The following HECW2 variants were observed in gnomAD, a reference collection of about 807,000 sequenced individuals.
The protein encoded by HECW2 is E3 ubiquitin-protein ligase HECW2.
In HECW2, 61 loss-of-function variants were observed where a neutral mutation model predicts 175.2. That is an observed-to-expected ratio of 0.35 (90% CI 0.28 to 0.43). The LOEUF is 0.43. Ranked by LOEUF, HECW2 falls within the 20% of genes least tolerant of loss-of-function variation. HECW2 has a pLI of 1.00. For synonymous variants in HECW2, 671 were observed against 731.0 expected, an observed-to-expected ratio of 0.92 and a Z score of 1.32; for missense variants, 1,524 against 2,000.5, an observed-to-expected ratio of 0.76 and a Z score of 4.54.
At chr2:196,422,019 C>G (rs1191224985) in intron 2 of HECW2, among the ~76,000 whole-genome samples, 1 of 152,104 alleles carries the variant, frequency 6.6e-6, no homozygotes, top group Non-Finnish European at 1.5e-5. Context: ...CAAGGTGATC[C>G]TGTGAATTCA....
intron 28 of HECW2, among the ~76,000 whole-genome samples, chr2:196,213,218 A>G (rs572153962): frequency 3.9e-5 from 6 of 152,324 alleles, no homozygotes; most frequent in African/African-American, 1.4e-4. Context: ...CTCCGAATGT[A>G]CTTTTATTCT....
intron 1 of HECW2, among the ~76,000 whole-genome samples, chr2:196,453,603 A>T (rs1575558376): frequency 6.6e-6 from 1 of 152,366 alleles, no homozygotes; most frequent in East Asian, 1.9e-4. Flanking sequence ...TTTTAAATGC[A>T]GCTTAAAATA....
Position 196,509,218 on chromosome 2 carries a change from G to A in HECW2, c.-35-75760C>T, listed in dbSNP as rs539222641. Among the ~76,000 whole-genome samples, 7 of 152,162 alleles carry A rather than the reference G, an allele frequency of 4.6e-5. No individual in the cohort carries two copies. In the East Asian group the frequency reaches 1.4e-3, roughly 29 times the overall value. On this transcript the variant is annotated intron_variant, in intron 1 of 28. Coordinates refer to ENST00000644978, the MANE Select transcript of HECW2 (RefSeq NM_001348768.2). ...GATACATAGGGTGAGTTGTGGAAGG[G>A]GTCCCAAGTGCTGACACTTCTGTAC...
At chr2:196,229,326 C>CT in intron 21 of HECW2, among the ~76,000 whole-genome samples, 1 of 150,832 alleles carries the variant, frequency 6.6e-6, no homozygotes, top group Admixed American at 6.6e-5. Flanking sequence ...AAAAAAAAAT[C>CT]TGAGTCTTGT....
intron 2 of HECW2, among the ~76,000 whole-genome samples, chr2:196,401,770 T>C (rs1170236242): frequency 1.3e-5 from 2 of 152,152 alleles, no homozygotes; most frequent in African/African-American, 2.4e-5. Context: ...GAGAAAAAAT[T>C]TTTACTAATG....
intron 21 of HECW2, among the ~76,000 whole-genome samples, chr2:196,229,721 A>AC (rs1359652670): frequency 6.6e-6 from 1 of 152,216 alleles, no homozygotes; most frequent in African/African-American, 2.4e-5. Flanking sequence ...AAAATGGTTT[A>AC]CACAGAACAG....
At chr2:196,368,128 A>G (rs925138947) in intron 2 of HECW2, among the ~76,000 whole-genome samples, 1 of 152,128 alleles carries the variant, frequency 6.6e-6, no homozygotes, top group Non-Finnish European at 1.5e-5. Context: ...TTTCTTTTAC[A>G]TATATACCTA....
At chr2:196,438,423 CTT>C (rs1277042168) in intron 1 of HECW2, among the ~76,000 whole-genome samples, 1 of 152,050 alleles carries the variant, frequency 6.6e-6, no homozygotes, top group Non-Finnish European at 1.5e-5. Context: ...TTTTTTCTTT[CTT>C]TTTTTAAATA....
At position 196,290,037 on chromosome 2, in the gene HECW2, G is replaced by A. The variant is rs1454042789; in HGVS notation, c.3000+2528C>T. On this transcript the variant is annotated intron_variant, in intron 14 of 28. Transcript: ENST00000644978. Reference sequence around the variant, plus strand: ...ATCAGGCTAAAGTGATAAGCTTTTGGGTCTGCCTGTTAATCTGTCTTGTCC... The same window carrying A: ...ATCAGGCTAAAGTGATAAGCTTTTGAGTCTGCCTGTTAATCTGTCTTGTCC... The A allele has an allele frequency of 3.9e-5, 6 of 152,192 alleles. No individual in the cohort carries two copies. In the East Asian group the frequency reaches 9.7e-4, roughly 25 times the overall value. 9.4% of individuals were successfully genotyped at this position (152,192 alleles called of 1,614,324 possible).
At chr2:196,494,827 T>C (rs1687333496) in intron 1 of HECW2, among the ~76,000 whole-genome samples, 2 of 152,184 alleles carry the variant, frequency 1.3e-5, no homozygotes, top group South Asian at 4.1e-4. Context: ...CCACTGAGCA[T>C]TTGATGAGGC....
chr2:196,383,530 A>G (rs1187009285), intron 2 of HECW2, among the ~76,000 whole-genome samples: 2 of 152,214 alleles, frequency 1.3e-5, no homozygotes, highest in African/African-American at 2.4e-5. Flanking sequence ...AACTTCAGGC[A>G]GGTAACTAGA....
At chr2:196,534,270 G>A (rs960289337) in intron 1 of HECW2, among the ~76,000 whole-genome samples, 3 of 143,106 alleles carry the variant, frequency 2.1e-5, no homozygotes, top group Admixed American at 6.8e-5. Flanking sequence ...CAGGGCCTCC[G>A]TTTTTGTGCA....
intron 19 of HECW2, among the ~76,000 whole-genome samples, chr2:196,244,479 G>GGGCAGCTGCAGCTACTCTGTA (rs1426590739): frequency 1.3e-5 from 2 of 152,114 alleles, no homozygotes; most frequent in East Asian, 3.8e-4. Flanking sequence ...GGGATCCAGC[G>GGGCAGCTGCAGCTACTCTGTA]GGCAGCTGCA....
chr2:196,201,483 A>G (rs947743428), intron 28 of HECW2, 95 bp from the exon 29 acceptor site: 2 of 646,906 alleles, frequency 3.1e-6, no homozygotes, highest in African/African-American at 1.8e-5. Context: ...TGTGTGTATG[A>G]CTGTCTTTCA....
chr2:196,591,187 TA>T (rs1317685450), intron 1 of HECW2, among the ~76,000 whole-genome samples: 1 of 152,186 alleles, frequency 6.6e-6, no homozygotes, highest in African/African-American at 2.4e-5. Flanking sequence ...AATACCGTGA[TA>T]GAGGCGATGG....
intron 1 of HECW2, among the ~76,000 whole-genome samples, chr2:196,481,162 A>G (rs1686831424): frequency 6.6e-6 from 1 of 152,210 alleles, no homozygotes; most frequent in African/African-American, 2.4e-5. Flanking sequence ...CTAGTGGCAT[A>G]TGGTAAAGCA....
intron 1 of HECW2, among the ~76,000 whole-genome samples, chr2:196,477,268 A>G (rs1372375428): frequency 6.6e-6 from 1 of 152,232 alleles, no homozygotes; most frequent in Admixed American, 6.5e-5. Flanking sequence ...GTTGTAATGA[A>G]TATTTTTCCA....
At chr2:196,295,369 G>A (rs577937184) in intron 13 of HECW2, among the ~76,000 whole-genome samples, 2 of 152,146 alleles carry the variant, frequency 1.3e-5, no homozygotes, top group African/African-American at 4.8e-5. Flanking sequence ...AATACAATCA[G>A]CAAGGCAACT....
chr2:196,385,624 C>T (rs1230322771), intron 2 of HECW2, among the ~76,000 whole-genome samples: 2 of 152,178 alleles, frequency 1.3e-5, no homozygotes, highest in African/African-American at 4.8e-5. Flanking sequence ...TGATCTGAAG[C>T]TAGTCCTTTA....
Sources: gnomAD v4.1 joint callset for allele counts (sites outside exome capture counted in the v4.1 genomes callset) on GRCh38, gnomAD v4.1.1 for gene constraint, MANE v1.5 for transcripts, NCBI Gene and HGNC (gene_info 2026-07-23, HGNC 2026-07-21) for gene names.